The following CCDC178 variants were observed in gnomAD, a reference collection of about 807,000 sequenced individuals.
The protein encoded by CCDC178 is coiled-coil domain containing 178.
Under a neutral mutation model 117.4 loss-of-function variants are expected in CCDC178, and 126 were observed. The ratio of observed to expected loss-of-function variants is 1.07; its 90% CI spans 0.93 to 1.24. The LOEUF (loss-of-function observed/expected upper bound fraction) is 1.24, where lower values mean the gene tolerates loss of function less well. CCDC178 is among the 50% of genes most tolerant of loss of function. The probability of loss-of-function intolerance (pLI) is 0.00; values close to 1 mark genes in which losing one functional copy is unlikely to be tolerated. For synonymous variants in CCDC178, 283 were observed against 313.4 expected, an observed-to-expected ratio of 0.90 and a Z score of 1.02; for missense variants, 1,030 against 986.9, an observed-to-expected ratio of 1.04 and a Z score of -0.59.
chr18:33,135,954 C>G (rs2058120861), intron 20 of CCDC178: 1 of 152,082 alleles, frequency 6.6e-6, no homozygotes, highest in African/African-American at 2.4e-5. Context: ...TTGAAAGATC[C>G]CTTTAGAATT....
intron 11 of CCDC178, among the ~76,000 whole-genome samples, chr18:33,301,152 ACCCCAGGTATGGTTTTGGCT>A (rs1173524364): frequency 2.0e-5 from 3 of 151,924 alleles, no homozygotes; most frequent in African/African-American, 4.8e-5. Flanking sequence ...GGCTCAAAGG[ACCCCAGGTATGGTTTTGGCT>A]GCCACTCTGG....
At chr18:32,964,968 G>A (rs2034080737) in intron 22 of CCDC178, among the ~76,000 whole-genome samples, 1 of 151,568 alleles carries the variant, frequency 6.6e-6, no homozygotes, top group African/African-American at 2.4e-5. Flanking sequence ...TAACTTGTTT[G>A]TTTACTGTCT....
At chr18:33,361,150 C>A (rs1024219320) in intron 6 of CCDC178, among the ~76,000 whole-genome samples, 1 of 151,464 alleles carries the variant, frequency 6.6e-6, no homozygotes, top group Non-Finnish European at 1.5e-5. Flanking sequence ...AAAACATAGA[C>A]CAATGGAATA....
chr18:33,317,570 G>C (rs2062437731), intron 11 of CCDC178, among the ~76,000 whole-genome samples: 1 of 152,082 alleles, frequency 6.6e-6, no homozygotes, highest in Non-Finnish European at 1.5e-5. Flanking sequence ...GACTCACCTT[G>C]AATTCTTTCT....
chr18:33,033,655 C>T (rs547983099), intron 21 of CCDC178, among the ~76,000 whole-genome samples: 3 of 152,158 alleles, frequency 2.0e-5, no homozygotes, highest in South Asian at 2.1e-4. Flanking sequence ...GCAGTCAACC[C>T]GACTTTCGCT....
chr18:33,220,342 T>C (rs939145130), intron 18 of CCDC178, among the ~76,000 whole-genome samples: 9 of 152,072 alleles, frequency 5.9e-5, no homozygotes, highest in Non-Finnish European at 8.8e-5. Context: ...CATTTTACAA[T>C]AGAAAATCCA....
intron 9 of CCDC178, among the ~76,000 whole-genome samples, chr18:33,340,306 C>G (rs922422818): frequency 6.6e-6 from 1 of 152,134 alleles, no homozygotes; most frequent in Admixed American, 6.5e-5. Context: ...AGCAGCGAAG[C>G]ACTCAAGAGG....
intron 20 of CCDC178, among the ~76,000 whole-genome samples, chr18:33,166,667 A>G (rs988074594): frequency 1.3e-5 from 2 of 152,226 alleles, no homozygotes; most frequent in Non-Finnish European, 2.9e-5. Flanking sequence ...TCTTTCTATC[A>G]GTAATACCTA....
At chr18:33,008,594 G>C (rs566814529) in intron 21 of CCDC178, among the ~76,000 whole-genome samples, 2 of 151,886 alleles carry the variant, frequency 1.3e-5, no homozygotes, top group South Asian at 4.2e-4. Context: ...GCTCTCTCCT[G>C]TTTCTTTGTT....
chr18:33,111,531 T>C (rs901712666), intron 20 of CCDC178, among the ~76,000 whole-genome samples: 1 of 151,684 alleles, frequency 6.6e-6, no homozygotes, highest in South Asian at 2.1e-4. Context: ...GGCTGGAAAT[T>C]GCTTACTTTG....
At chr18:33,344,795 C>T (rs1191480879) in intron 9 of CCDC178, among the ~76,000 whole-genome samples, 2 of 125,812 alleles carry the variant, frequency 1.6e-5, no homozygotes, top group Non-Finnish European at 3.2e-5. Context: ...AGCCTCATTG[C>T]CTCTAAAGCA....
chr18:33,392,203 T>C lies in CCDC178; in HGVS notation c.119-2574A>G, dbSNP rs1016530037. 2.6e-5 allele frequency among the ~76,000 whole-genome samples: 4 copies of C among 152,118 alleles called. 1 individual carries two copies. The highest frequency in any genetic ancestry group is 2.0e-4 in the Admixed American group (3 of 15,270). ...TCTAAAACTGCAAAAAAAATCTTCC[T>C]TATATATCAGCCACCCCAACCCATA... On this transcript the variant is annotated intron_variant, in intron 4 of 22. Coordinates refer to ENST00000383096, the MANE Select transcript of CCDC178 (RefSeq NM_001105528.4).
At chr18:33,368,525 C>T (rs8086638) in intron 6 of CCDC178, among the ~76,000 whole-genome samples, 144,304 of 151,956 alleles carry the variant, frequency 0.95, 68,960 homozygotes, top group Middle Eastern at 1. Flanking sequence ...TATCTTGGCT[C>T]ATTTTGTAAA....
intron 14 of CCDC178, among the ~76,000 whole-genome samples, chr18:33,260,536 A>G (rs563630147): frequency 5.9e-5 from 9 of 151,646 alleles, no homozygotes; most frequent in African/African-American, 2.2e-4. Flanking sequence ...CTTCTCAGAT[A>G]TAGCTATAAC....
At chr18:33,071,550 A>G (rs2057108794) in intron 21 of CCDC178, among the ~76,000 whole-genome samples, 1 of 152,086 alleles carries the variant, frequency 6.6e-6, no homozygotes, top group Admixed American at 6.5e-5. Context: ...GACCCATTAA[A>G]CAGTGTTCTG....
intron 21 of CCDC178, among the ~76,000 whole-genome samples, chr18:33,058,273 A>T (rs2056863718): frequency 6.6e-6 from 1 of 152,202 alleles, no homozygotes; most frequent in African/African-American, 2.4e-5. Context: ...GGAGTGATTT[A>T]AAAAAATGTG....
intron 21 of CCDC178, among the ~76,000 whole-genome samples, chr18:33,010,541 T>A (rs1268962560): frequency 6.6e-6 from 1 of 152,154 alleles, no homozygotes; most frequent in East Asian, 1.9e-4. Flanking sequence ...AGAAAACACA[T>A]CTCAGTCTAG....
intron 21 of CCDC178, among the ~76,000 whole-genome samples, chr18:32,977,832 A>C (rs2055059628): frequency 6.6e-6 from 1 of 152,320 alleles, no homozygotes; most frequent in Middle Eastern, 3.4e-3. Flanking sequence ...TCGGAACTAC[A>C]CCTATGAACA....
chr18:33,403,176 C>T (rs927246410), intron 3 of CCDC178, among the ~76,000 whole-genome samples: 6 of 152,128 alleles, frequency 3.9e-5, no homozygotes, highest in Non-Finnish European at 5.9e-5. Flanking sequence ...GCTGAGCTGT[C>T]AAGTCCTTGG....
Sources: allele counts gnomAD v4.1 joint callset (sites outside exome capture counted in the v4.1 genomes callset), GRCh38; gene constraint gnomAD v4.1.1; transcripts MANE v1.5; gene names NCBI Gene and HGNC (gene_info 2026-07-23, HGNC 2026-07-21).